BNIP3L: variants seen among roughly 807,000 people sequenced by gnomAD.
BNIP3L encodes BCL2 interacting protein 3 like, also known as BCL2/adenovirus E1B 19 kDa protein-interacting protein 3-like.
BNIP3L carries 10 observed loss-of-function variants against 25.5 expected under a neutral mutation model. That is an observed-to-expected ratio of 0.39 (90% CI 0.24 to 0.67). BNIP3L has a LOEUF of 0.67. Ranked by LOEUF, BNIP3L falls within the 30% of genes least tolerant of loss-of-function variation. BNIP3L has a pLI of 0.45. For missense variants in BNIP3L, 215 were observed against 270.9 expected, an observed-to-expected ratio of 0.79 and a Z score of 1.45; for synonymous variants, 113 against 101.2, an observed-to-expected ratio of 1.12 and a Z score of -0.70.
In BNIP3L at chr8:26,395,294, A is replaced by G. The variant is rs372238346; in HGVS notation, c.349A>G (p.Ser117Gly). 3 of 1,613,916 alleles carry G rather than the reference A, an allele frequency of 1.9e-6. No homozygotes were observed. The highest frequency in any genetic ancestry group is 2.2e-5 in the South Asian group (2 of 91,064). The stretch of plus-strand genomic sequence containing the variant: ...GGAAATGCACACCAGCAGGGACCAT[A>G]GCTCTCAGGTGTGTCGGGGGGATTC... ...DVEMHTSRDH[S>G]SQSEEEVVEG... is the part of the protein sequence containing the mutation. The change falls in exon 3 of 6, where the codon AGC becomes GGC. Residue 117 changes from serine (S) to glycine (G), a missense_variant. Ser to Gly is a moderately conservative substitution (Grantham distance 56). Coordinates refer to ENST00000380629, the MANE Select transcript of BNIP3L (RefSeq NM_004331.3).
intron 2 of BNIP3L, among the ~76,000 whole-genome samples, chr8:26,391,939 C>T (rs1239389246): frequency 2.0e-5 from 3 of 152,168 alleles, no homozygotes; most frequent in Non-Finnish European, 2.9e-5. Context: ...GGTTGCTTCA[C>T]GTTATAGCAA....
At position 26,408,308 on chromosome 8, in the gene BNIP3L, C is replaced by G. The variant is rs1320694606; in HGVS notation, c.543C>G (p.Phe181Leu). ...KSGAMKKGGI[F>L]SAEFLKVFIP... ...GAGCCATGAAGAAAGGGGGTATTTT[C>G]TCCGCAGAATTTCTGAAGGTGTTCA... Residue 181 changes from phenylalanine to leucine, a missense_variant, in exon 5 of 6, where the codon TTC becomes TTG. This residue lies in a region of BNIP3L where 63 missense variants were observed against 98.8 expected (regional missense o/e 0.64). Coordinates refer to ENST00000380629, the MANE Select transcript of BNIP3L (RefSeq NM_004331.3). 1.2e-6 allele frequency: 2 copies of G among 1,614,186 alleles called. No individual in the cohort carries two copies. Among genetic ancestry groups the G allele is most frequent in the Non-Finnish European group, 1.7e-6 (2 of 1,180,012 alleles).
rs138364919 is a variant in BNIP3L at position 26,395,221 on chromosome 8, C to T, written c.285-9C>T. The T allele has an allele frequency of 1.8e-4, 288 of 1,612,936 alleles. 1 individual carries two copies. The African/African-American group carries it at 3.5e-3, about 19-fold the overall frequency. On this transcript the variant is annotated splice_polypyrimidine_tract_variant and intron_variant, in intron 2 of 5. Transcript: ENST00000380629. ...ATTAAAACTAATAGCTGAATTCCTTCTCTTCTAGCCCTTCGCCACAAGAAG... is the reference window on the plus strand; with the variant it reads ...ATTAAAACTAATAGCTGAATTCCTTTTCTTCTAGCCCTTCGCCACAAGAAG...
intron 1 of BNIP3L, chr8:26,390,258 C>A: frequency 1.2e-6 from 1 of 811,236 alleles, no homozygotes; most frequent in Non-Finnish European, 1.5e-6. Flanking sequence ...CTGGCCTCAA[C>A]TCTTGTTAAA....
In BNIP3L at chr8:26,412,435, C is replaced by T. The variant is rs1310702868; in HGVS notation, c.*2023C>T. 6.6e-6 allele frequency: 1 copy of T among 152,206 alleles called. No homozygotes were observed. Among genetic ancestry groups the T allele is most frequent in the Non-Finnish European group, 1.5e-5 (1 of 68,024 alleles). The allele number at this position is 152,206 out of a possible 1,614,324, so 9.4% of individuals were successfully genotyped here. On this transcript the variant is annotated 3_prime_UTR_variant, in exon 6 of 6. Transcript: ENST00000380629. ...CTTCTTACAGCTAGTGCATTGTGCT[C>T]TTTCCAAGTTCAGCAGCAGTTCTAT...
intron 5 of BNIP3L, among the ~76,000 whole-genome samples, chr8:26,409,916 T>G (rs1806584012): frequency 7.0e-6 from 1 of 142,718 alleles, no homozygotes; most frequent in African/African-American, 2.6e-5. Flanking sequence ...AGAGCTGTCT[T>G]TAAAGCACTG....
In BNIP3L at chr8:26,403,098, G is replaced by T. The variant is rs1327299815; in HGVS notation, c.358-4902G>T. On this transcript the variant is annotated intron_variant, in intron 3 of 5. Transcript: ENST00000380629. ...TTCTCAGGACCAAATCCCTAAAAGAGCATAGGCTATCATCAAGAGGAGGTA... is the reference window on the plus strand; with the variant it reads ...TTCTCAGGACCAAATCCCTAAAAGATCATAGGCTATCATCAAGAGGAGGTA... Among the ~76,000 whole-genome samples the T allele has an allele frequency of 2.0e-5, 3 of 152,196 alleles. No individual in the cohort carries two copies. The East Asian group carries it at 5.8e-4, about 29-fold the overall frequency.
At chr8:26,392,257 A>G (rs1433335456) in intron 2 of BNIP3L, among the ~76,000 whole-genome samples, 1 of 147,958 alleles carries the variant, frequency 6.8e-6, no homozygotes, top group South Asian at 2.1e-4. Context: ...TGTTAGCATT[A>G]TGGGGCACTG....
In BNIP3L at chr8:26,384,547, ATGTTTAGCATAC is replaced by A. The variant is rs1211660456; in HGVS notation, c.100+1321_100+1332del. Among the ~76,000 whole-genome samples, 3 of 152,266 alleles carry A rather than the reference ATGTTTAGCATAC, an allele frequency of 2.0e-5. No homozygotes were observed. In the East Asian group the frequency reaches 5.8e-4, roughly 29 times the overall value. Reference sequence around the variant, plus strand: ...CTATGCAATTTTAAGTTATTTGCCCATGTTTAGCATACTGTCTTAGATTTTAGAATGGGAAGA... The same window carrying A: ...CTATGCAATTTTAAGTTATTTGCCCATGTCTTAGATTTTAGAATGGGAAGA... On this transcript the variant is annotated intron_variant, in intron 1 of 5. Coordinates refer to ENST00000380629, the MANE Select transcript of BNIP3L (RefSeq NM_004331.3).
chr8:26,402,584 A>G (rs957697078), intron 3 of BNIP3L, among the ~76,000 whole-genome samples: 1 of 152,140 alleles, frequency 6.6e-6, no homozygotes, highest in Admixed American at 6.6e-5. Context: ...CCACACTCTC[A>G]CCTTAGTAGT....
intron 1 of BNIP3L, among the ~76,000 whole-genome samples, chr8:26,385,964 C>G (rs1220930872): frequency 6.6e-6 from 1 of 152,094 alleles, no homozygotes; most frequent in African/African-American, 2.4e-5. Flanking sequence ...GATTTTTGGG[C>G]AATGGGCAAA....
intron 1 of BNIP3L, among the ~76,000 whole-genome samples, chr8:26,385,359 G>A (rs553018870): frequency 2.0e-5 from 3 of 151,996 alleles, no homozygotes; most frequent in Admixed American, 1.3e-4. Context: ...CACTTTGGGA[G>A]GCCAAAGCGA....
intron 2 of BNIP3L, among the ~76,000 whole-genome samples, chr8:26,393,165 T>G (rs984224042): frequency 6.6e-6 from 1 of 151,862 alleles, no homozygotes; most frequent in Non-Finnish European, 1.5e-5. Flanking sequence ...ACTCACATCA[T>G]CTGAATTGCC....
At position 26,408,321 on chromosome 8, in the gene BNIP3L, C is replaced by T; in HGVS notation, c.556C>T (p.Leu186=). ...KKGGIFSAEF[L]KVFIPSLFLS... is the part of the protein sequence containing the mutation. ...AGGGGGTATTTTCTCCGCAGAATTTCTGAAGGTGTTCATTCCATCTCTCTT... is the reference window on the plus strand; with the variant it reads ...AGGGGGTATTTTCTCCGCAGAATTTTTGAAGGTGTTCATTCCATCTCTCTT... The change falls in exon 5 of 6, where the codon CTG becomes TTG. Residue 186 remains leucine, a synonymous_variant. Transcript: ENST00000380629. 1 of 1,614,212 alleles carries T rather than the reference C, an allele frequency of 6.2e-7. No individual in the cohort carries two copies. Among genetic ancestry groups the T allele is most frequent in the South Asian group, 1.1e-5 (1 of 91,086 alleles).
intron 1 of BNIP3L, among the ~76,000 whole-genome samples, chr8:26,390,858 G>A (rs1326874153): frequency 6.6e-6 from 1 of 152,132 alleles, no homozygotes; most frequent in Non-Finnish European, 1.5e-5. Flanking sequence ...AGACTATGAA[G>A]AAAGTGTGTG....
chr8:26,394,946 G>A (rs914556472), intron 2 of BNIP3L, among the ~76,000 whole-genome samples: 4 of 152,192 alleles, frequency 2.6e-5, no homozygotes, highest in African/African-American at 9.7e-5. Context: ...ATAAGAGAAT[G>A]TGACAGTTTG....
rs879156206 is a variant in BNIP3L at position 26,410,509 on chromosome 8, A to G, written c.*97A>G. ...TTGAGACCATTGTAAGCATGACCCA[A>G]CCTACCACCCTGTTTTTACATATCC... On this transcript the variant is annotated 3_prime_UTR_variant, in exon 6 of 6. Coordinates refer to ENST00000380629, the MANE Select transcript of BNIP3L (RefSeq NM_004331.3). 53 of 1,370,554 alleles carry G rather than the reference A, an allele frequency of 3.9e-5. No individual in the cohort carries two copies. In the South Asian group the frequency reaches 5.9e-4, roughly 15 times the overall value. 84.9% of individuals were successfully genotyped at this position (1,370,554 alleles called of 1,614,324 possible).
Position 26,411,857 on chromosome 8 carries a change from A to C in BNIP3L, c.*1445A>C, listed in dbSNP as rs183454962. The C allele has an allele frequency of 8.5e-5, 13 of 152,590 alleles. No individual in the cohort carries two copies. The highest frequency in any genetic ancestry group is 2.7e-4 in the African/African-American group (11 of 41,444). 9.5% of individuals were successfully genotyped at this position (152,590 alleles called of 1,614,324 possible). A position where few individuals can be genotyped will look rare whatever the true frequency, so the allele number is the denominator to read the frequency against. ...GACATTGATATTGACTATTTAGAGAACCGTTGTTAATTTTAAAACTAGCAA... is the reference window on the plus strand; with the variant it reads ...GACATTGATATTGACTATTTAGAGACCCGTTGTTAATTTTAAAACTAGCAA... On this transcript the variant is annotated 3_prime_UTR_variant, in exon 6 of 6. Transcript: ENST00000380629.
chr8:26,389,103 A>C (rs1585430527), intron 1 of BNIP3L, among the ~76,000 whole-genome samples: 1 of 152,274 alleles, frequency 6.6e-6, no homozygotes, highest in East Asian at 1.9e-4. Flanking sequence ...ACTGACTTCC[A>C]CAGAGACCTA....
Sources: gnomAD v4.1 joint callset for allele counts (sites outside exome capture counted in the v4.1 genomes callset) on GRCh38, gnomAD v4.1.1 for gene constraint, gnomAD v4.1.1 regional missense constraint, MANE v1.5 for transcripts, NCBI Gene and HGNC (gene_info 2026-07-23, HGNC 2026-07-21) for gene names.